Variants in C10orf90 observed in about 807,000 individuals in gnomAD.
The protein encoded by C10orf90 is chromosome 10 open reading frame 90, also known as (E2-independent) E3 ubiquitin-conjugating enzyme FATS.
Under a neutral mutation model 62.5 loss-of-function variants are expected in C10orf90, and 56 were observed. That is an observed-to-expected ratio of 0.90 (90% CI 0.72 to 1.12). The LOEUF is 1.12. C10orf90 is among the 50% of genes most tolerant of loss of function. The pLI is 0.00. For missense variants in C10orf90, 970 were observed against 880.4 expected (o/e 1.10, Z -1.29); for synonymous variants, 386 against 340.4 (o/e 1.13, Z -1.47).
At chr10:126,521,614 T>A in intron 2 of C10orf90, 1 of 497,166 alleles carries the variant, frequency 2.0e-6, no homozygotes, top group Non-Finnish European at 3.2e-6. Flanking sequence ...GCTTCTTTGA[T>A]GAGTAAAACA....
intron 2 of C10orf90, among the ~76,000 whole-genome samples, chr10:126,523,211 G>T (rs981873347): frequency 1.3e-5 from 2 of 152,186 alleles, no homozygotes; most frequent in Non-Finnish European, 2.9e-5. Context: ...AGGGTGGGTT[G>T]TTCCAGCTTT....
chr10:126,510,163 C>T (rs758888621), intron 3 of C10orf90, among the ~76,000 whole-genome samples: 23 of 152,114 alleles, frequency 1.5e-4, no homozygotes, highest in Admixed American at 6.6e-4. Flanking sequence ...CCCTACCTCC[C>T]AATGCAGTCA....
At chr10:126,463,020 A>T (rs956376747) in intron 5 of C10orf90, among the ~76,000 whole-genome samples, 1 of 93,056 alleles carries the variant, frequency 1.1e-5, no homozygotes. Context: ...TGCCCCACCC[A>T]CCCCCCGTCT....
At chr10:126,546,618 G>A (rs1383792091) in intron 2 of C10orf90, among the ~76,000 whole-genome samples, 4 of 152,178 alleles carry the variant, frequency 2.6e-5, no homozygotes, top group Non-Finnish European at 5.9e-5. Flanking sequence ...GCTGAGTGGG[G>A]AGCAGAGCTC....
At chr10:126,648,026 G>A (rs1189401307) in intron 1 of C10orf90, among the ~76,000 whole-genome samples, 1 of 152,182 alleles carries the variant, frequency 6.6e-6, no homozygotes. Context: ...TTCATCTCCA[G>A]TGCAACAGTG....
At chr10:126,435,851 T>G (rs1216227622) in intron 7 of C10orf90, among the ~76,000 whole-genome samples, 2 of 152,100 alleles carry the variant, frequency 1.3e-5, no homozygotes, top group African/African-American at 4.8e-5. Context: ...TCTCCCCAAG[T>G]GGCACATGAA....
intron 2 of C10orf90, chr10:126,524,829 C>G (rs1486229901): frequency 1.0e-6 from 1 of 985,406 alleles, no homozygotes. Context: ...GAGAGGGAGG[C>G]AGTCTCCACT....
chr10:126,581,463 C>G (rs1001440651), intron 2 of C10orf90, among the ~76,000 whole-genome samples: 12 of 152,118 alleles, frequency 7.9e-5, no homozygotes, highest in South Asian at 4.1e-4. Context: ...TTCAGGGATG[C>G]TGCACTCTGC....
intron 2 of C10orf90, among the ~76,000 whole-genome samples, chr10:126,533,035 T>C (rs185714310): frequency 0.011 from 1,696 of 150,498 alleles, 40 homozygotes; most frequent in African/African-American, 0.038. Context: ...CGGGTTCACG[T>C]CATTCTCCTG....
At chr10:126,665,039 A>C (rs78604168) in intron 1 of C10orf90, among the ~76,000 whole-genome samples, 1,618 of 152,330 alleles carry the variant, frequency 0.011, 38 homozygotes, top group African/African-American at 0.037. Context: ...TGAGGCTTCT[A>C]GGAGGAGCCC....
chr10:126,492,626 G>C (rs968966093), intron 4 of C10orf90, among the ~76,000 whole-genome samples: 10 of 152,142 alleles, frequency 6.6e-5, no homozygotes, highest in Non-Finnish European at 1.0e-4. Flanking sequence ...AGAAAATAGA[G>C]GTGACCTACA....
intron 2 of C10orf90, among the ~76,000 whole-genome samples, chr10:126,595,281 G>A (rs187386043): frequency 1.3e-5 from 2 of 152,130 alleles, no homozygotes; most frequent in African/African-American, 4.8e-5. Flanking sequence ...AATTCTAATT[G>A]ATATCCATGA....
chr10:126,579,674 T>A (rs888937077), intron 2 of C10orf90, among the ~76,000 whole-genome samples: 6 of 152,126 alleles, frequency 3.9e-5, no homozygotes, highest in African/African-American at 1.4e-4. Flanking sequence ...CAACAGAAGT[T>A]TTTCAGGGGT....
Position 126,532,862 on chromosome 10 carries a change from G to A in C10orf90, c.314-18923C>T, listed in dbSNP as rs200370776. ...CGTCTCAAAAAAAAAAAAAAATAGT[G>A]AGCACAAAACAAGTGTTTTCAAAAA... On this transcript the variant is annotated intron_variant, in intron 2 of 9. Coordinates refer to ENST00000488181, the MANE Select transcript of C10orf90 (RefSeq NM_001350921.2). Among the ~76,000 whole-genome samples, 5 of 22,140 alleles carry A rather than the reference G, an allele frequency of 2.3e-4. 2 individuals carry two copies. The highest frequency in any genetic ancestry group is 6.3e-4 in the Non-Finnish European group (5 of 7,998). The allele number at this position is 22,140 out of a possible 152,430, so 14.5% of individuals were successfully genotyped here. A position where few individuals can be genotyped will look rare whatever the true frequency, so the allele number is the denominator to read the frequency against.
At chr10:126,654,371 G>T (rs72839093) in intron 1 of C10orf90, among the ~76,000 whole-genome samples, 4 of 152,292 alleles carry the variant, frequency 2.6e-5, no homozygotes, top group Non-Finnish European at 5.9e-5. Context: ...TTGCTGCTTC[G>T]CCGTGCACTT....
chr10:126,468,790 A>C (rs954909400), intron 4 of C10orf90, among the ~76,000 whole-genome samples: 2 of 152,216 alleles, frequency 1.3e-5, no homozygotes. Context: ...GAGAAGAGGC[A>C]TGCATCTGGG....
chr10:126,619,649 G>A (rs1845608402), intron 2 of C10orf90, among the ~76,000 whole-genome samples: 1 of 151,910 alleles, frequency 6.6e-6, no homozygotes, highest in African/African-American at 2.4e-5. Flanking sequence ...TCATTTTTAT[G>A]TTTTGTTTTT....
At chr10:126,490,004 T>TTA (rs1171575687) in intron 4 of C10orf90, among the ~76,000 whole-genome samples, 3 of 92,976 alleles carry the variant, frequency 3.2e-5, no homozygotes, top group Admixed American at 1.6e-4. Context: ...ATATTATATA[T>TTA]TATATATATT....
chr10:126,610,473 T>A (rs867486880), intron 2 of C10orf90, among the ~76,000 whole-genome samples: 2 of 152,158 alleles, frequency 1.3e-5, no homozygotes, highest in African/African-American at 4.8e-5. Context: ...TTGGAGTGTG[T>A]TCTCTGTCTC....
Sources: gnomAD v4.1 joint callset for allele counts (sites outside exome capture counted in the v4.1 genomes callset) on GRCh38, gnomAD v4.1.1 for gene constraint, MANE v1.5 for transcripts, NCBI Gene and HGNC (gene_info 2026-07-23, HGNC 2026-07-21) for gene names.